LTBP1: variants seen among roughly 807,000 people sequenced by gnomAD.
LTBP1 encodes latent transforming growth factor beta binding protein 1, also known as latent-transforming growth factor beta-binding protein 1.
A neutral mutation model predicts 207.6 loss-of-function variants in LTBP1; 129 were observed. The observed-to-expected ratio is 0.62, with a 90% CI of 0.54 to 0.72. The LOEUF (loss-of-function observed/expected upper bound fraction) is 0.72, where lower values mean the gene tolerates loss of function less well. Ranked by LOEUF, LTBP1 falls within the 30% of genes least tolerant of loss-of-function variation. The pLI is 0.00. For missense variants in LTBP1, 2,281 were observed against 2,217.2 expected, an observed-to-expected ratio of 1.03 and a Z score of -0.58; for synonymous variants, 963 against 833.7, an observed-to-expected ratio of 1.16 and a Z score of -2.67.
At chr2:33,186,262 T>C (rs1452769735) in intron 5 of LTBP1, among the ~76,000 whole-genome samples, 1 of 152,258 alleles carries the variant, frequency 6.6e-6, no homozygotes, top group Non-Finnish European at 1.5e-5. Flanking sequence ...ATATTTAATT[T>C]TTAATTTTTG....
intron 2 of LTBP1, among the ~76,000 whole-genome samples, chr2:32,970,740 G>A (rs1423298454): frequency 1.4e-5 from 2 of 145,142 alleles, no homozygotes; most frequent in Non-Finnish European, 3.1e-5. Context: ...GGTTGTTTGG[G>A]CTCTTTTTTT....
intron 4 of LTBP1, among the ~76,000 whole-genome samples, chr2:33,121,269 G>T (rs1412998698): frequency 1.3e-5 from 2 of 149,006 alleles, no homozygotes; most frequent in Non-Finnish European, 3.0e-5. Flanking sequence ...CTTTTCCAAG[G>T]TTCTAGCTTT....
rs576509655 is a variant in LTBP1 at position 33,336,351 on chromosome 2, G to T, written c.3731-6487G>T. 3.3e-5 allele frequency among the ~76,000 whole-genome samples: 5 copies of T among 152,294 alleles called. No individual in the cohort carries two copies. The East Asian group carries it at 7.7e-4, about 23-fold the overall frequency. On this transcript the variant is annotated intron_variant, in intron 24 of 33. Transcript: ENST00000404816. ...AGAGAATGTGATGGCTAGAACCACAGACAGATTCAGAGGATTCTTCTGTGA... is the reference window on the plus strand; with the variant it reads ...AGAGAATGTGATGGCTAGAACCACATACAGATTCAGAGGATTCTTCTGTGA...
chr2:33,086,201 G>C (rs1292093805), intron 3 of LTBP1, among the ~76,000 whole-genome samples: 1 of 152,220 alleles, frequency 6.6e-6, no homozygotes, highest in Non-Finnish European at 1.5e-5. Flanking sequence ...TTCAGGTACA[G>C]ATCAGCTCCT....
intron 5 of LTBP1, among the ~76,000 whole-genome samples, chr2:33,145,935 C>T (rs568099917): frequency 6.6e-6 from 1 of 152,316 alleles, no homozygotes; most frequent in East Asian, 1.9e-4. Context: ...GCTGTTCATA[C>T]AGTAATTATC....
At chr2:33,182,544 C>T (rs1391550184) in intron 5 of LTBP1, among the ~76,000 whole-genome samples, 1 of 150,938 alleles carries the variant, frequency 6.6e-6, no homozygotes, top group Admixed American at 6.6e-5. Context: ...TGCCTGTAGT[C>T]CCAGCTACTC....
intron 24 of LTBP1, among the ~76,000 whole-genome samples, chr2:33,339,651 C>G (rs12474295): frequency 0.027 from 3,943 of 145,316 alleles, 170 homozygotes; most frequent in East Asian, 0.19. Context: ...TTGATTTGTC[C>G]TTTTTTTTTT....
chr2:33,154,266 A>T (rs766921077), intron 5 of LTBP1, among the ~76,000 whole-genome samples: 1 of 152,208 alleles, frequency 6.6e-6, no homozygotes, highest in Non-Finnish European at 1.5e-5. Flanking sequence ...TTTTTCGAAT[A>T]TGTAACACAT....
At chr2:33,165,743 T>C (rs2084858816) in intron 5 of LTBP1, among the ~76,000 whole-genome samples, 1 of 152,226 alleles carries the variant, frequency 6.6e-6, no homozygotes, top group South Asian at 2.1e-4. Context: ...GGAGTCTCTT[T>C]CTTAATGAAT....
intron 15 of LTBP1, among the ~76,000 whole-genome samples, chr2:33,266,192 A>G (rs1228247847): frequency 1.3e-5 from 2 of 152,188 alleles, no homozygotes; most frequent in African/African-American, 2.4e-5. Context: ...CCCAAGTGCT[A>G]TTGCAACCCA....
At chr2:33,064,795 C>G (rs1276918477) in intron 3 of LTBP1, among the ~76,000 whole-genome samples, 3 of 152,192 alleles carry the variant, frequency 2.0e-5, no homozygotes, top group African/African-American at 7.2e-5. Flanking sequence ...ACAGAAGGCA[C>G]ATGGGTAATT....
chr2:33,101,989 A>G (rs2079766179), intron 3 of LTBP1, among the ~76,000 whole-genome samples: 2 of 152,206 alleles, frequency 1.3e-5, no homozygotes, highest in South Asian at 4.1e-4. Flanking sequence ...ACAATTAAAC[A>G]TAGAAGAGAA....
chr2:33,363,660 T>A, intron 29 of LTBP1, 142 bp downstream of exon 29: 2 of 906,634 alleles, frequency 2.2e-6, no homozygotes, highest in Non-Finnish European at 3.1e-6. Flanking sequence ...ATCTTTTTCT[T>A]AAGCACAATT....
At chr2:33,310,988 T>A (rs1406456766) in intron 23 of LTBP1, among the ~76,000 whole-genome samples, 2 of 152,150 alleles carry the variant, frequency 1.3e-5, no homozygotes, top group African/African-American at 4.8e-5. Flanking sequence ...ATAAAAAAAA[T>A]TGTTGGAGTT....
At chr2:33,268,545 C>T (rs147477006) in intron 15 of LTBP1, among the ~76,000 whole-genome samples, 136 of 152,354 alleles carry the variant, frequency 8.9e-4, no homozygotes, top group Non-Finnish European at 1.8e-3. Flanking sequence ...ATGTTTTCCA[C>T]TCTTAACAGC....
At chr2:33,026,117 T>G (rs2075401332) in intron 3 of LTBP1, among the ~76,000 whole-genome samples, 1 of 152,184 alleles carries the variant, frequency 6.6e-6, no homozygotes, top group African/African-American at 2.4e-5. Flanking sequence ...GAGTTCAAGC[T>G]TGTTGCAGTA....
chr2:33,326,011 A>G (rs1181830685), intron 24 of LTBP1, among the ~76,000 whole-genome samples: 2 of 152,042 alleles, frequency 1.3e-5, no homozygotes, highest in Non-Finnish European at 2.9e-5. Context: ...ATTTAGAAAT[A>G]TACTTTGGTT....
chr2:33,133,290 G>T (rs957302727), intron 4 of LTBP1, among the ~76,000 whole-genome samples: 4 of 152,188 alleles, frequency 2.6e-5, no homozygotes, highest in Non-Finnish European at 5.9e-5. Context: ...AACCAAAGCA[G>T]TATAAAGAGA....
chr2:33,184,899 TAGTC>T (rs1558773799), intron 5 of LTBP1, among the ~76,000 whole-genome samples: 1 of 151,574 alleles, frequency 6.6e-6, no homozygotes, highest in Admixed American at 6.6e-5. Context: ...TACAGAGAAG[TAGTC>T]AGTCAGTTGT....
Sources: allele counts gnomAD v4.1 joint callset (sites outside exome capture counted in the v4.1 genomes callset), GRCh38; gene constraint gnomAD v4.1.1; transcripts MANE v1.5; gene names NCBI Gene and HGNC (gene_info 2026-07-23, HGNC 2026-07-21).